Variants in RBFOX1 observed in about 807,000 individuals in gnomAD.
RBFOX1 encodes the protein RNA binding fox-1 homolog 1.
Under a neutral mutation model 57.7 loss-of-function variants are expected in RBFOX1, and 8 were observed. That is an observed-to-expected ratio of 0.14 (90% CI 0.08 to 0.25). The LOEUF (loss-of-function observed/expected upper bound fraction) is 0.25. Ranked by LOEUF, RBFOX1 falls within the 10% of genes least tolerant of loss-of-function variation. RBFOX1 has a pLI of 1.00. For synonymous variants in RBFOX1, 326 were observed against 222.4 expected (o/e 1.47, Z -4.15); for missense variants, 611 against 548.5 (o/e 1.11, Z -1.14).
Position 6,581,684 on chromosome 16 carries a change from C to G in RBFOX1, c.-63-72919C>G, listed in dbSNP as rs180710207. On this transcript the variant is annotated intron_variant, in intron 2 of 15. Coordinates refer to ENST00000550418, the MANE Select transcript of RBFOX1 (RefSeq NM_018723.4). ...TCCCCAAGCTGCTAAGGGGGCCTCC[C>G]TCATGGGTTCTGCTTAGCTCCTTAA... Among the ~76,000 whole-genome samples the G allele has an allele frequency of 1.8e-3, 270 of 152,296 alleles. 8 individuals carry two copies. The South Asian group carries it at 0.034, about 19-fold the overall frequency.
chr16:5,872,712 G>A (rs981414688), intron 4 of RBFOX1, among the ~76,000 whole-genome samples: 1 of 151,866 alleles, frequency 6.6e-6, no homozygotes, highest in Non-Finnish European at 1.5e-5. Context: ...CTCTAGCCTG[G>A]GTGACAGAGC....
intron 14 of RBFOX1, among the ~76,000 whole-genome samples, chr16:7,700,224 G>A (rs993781316): frequency 2.6e-5 from 4 of 152,096 alleles, no homozygotes; most frequent in African/African-American, 7.2e-5. Context: ...TAAAATAGAC[G>A]AGAGGCAATA....
intron 1 of RBFOX1, among the ~76,000 whole-genome samples, chr16:5,458,309 G>C (rs1276458764): frequency 3.9e-5 from 6 of 152,088 alleles, no homozygotes; most frequent in Non-Finnish European, 5.9e-5. Context: ...TGATTTATTA[G>C]AGCTCATGGG....
At chr16:6,825,193 G>A (rs7188969) in intron 3 of RBFOX1, among the ~76,000 whole-genome samples, 1 of 148,700 alleles carries the variant, frequency 6.7e-6, no homozygotes, top group Non-Finnish European at 1.5e-5. Flanking sequence ...CTTGTGGGGG[G>A]GCTGACGTGT....
rs542151728 is a variant in RBFOX1 at position 5,448,178 on chromosome 16, T to C, written c.220-19038T>C. 6.0e-4 allele frequency among the ~76,000 whole-genome samples: 91 copies of C among 152,188 alleles called. 1 individual carries two copies. Among genetic ancestry groups the C allele is most frequent in the Non-Finnish European group, 1.8e-4 (12 of 68,034 alleles). ...CCTAATTTTTGGAAATTCTGAGAGC[T>C]AAGCCTCCGCATCTTCAACTGTGAG... On this transcript the variant is annotated intron_variant, in intron 1 of 2. Transcript: ENST00000585867.
intron 4 of RBFOX1, among the ~76,000 whole-genome samples, chr16:7,371,165 C>T (rs1310221522): frequency 6.6e-6 from 1 of 152,190 alleles, no homozygotes; most frequent in East Asian, 1.9e-4. Flanking sequence ...CCCTCCCAAA[C>T]TGGCCCCATC....
chr16:7,031,731 T>C (rs947070440), intron 3 of RBFOX1, among the ~76,000 whole-genome samples: 2 of 152,218 alleles, frequency 1.3e-5, no homozygotes, highest in African/African-American at 2.4e-5. Context: ...TTTAAAATAC[T>C]ATACTCTGTG....
intron 4 of RBFOX1, among the ~76,000 whole-genome samples, chr16:7,467,212 C>T (rs1311948009): frequency 6.6e-6 from 1 of 152,134 alleles, no homozygotes; most frequent in African/African-American, 2.4e-5. Context: ...CTGAGTTAAG[C>T]ATAATGACAC....
chr16:6,582,904 T>C (rs558614508), intron 2 of RBFOX1, among the ~76,000 whole-genome samples: 1 of 151,518 alleles, frequency 6.6e-6, no homozygotes, highest in South Asian at 2.1e-4. Context: ...AGTTCAATTA[T>C]TACTATTATT....
At chr16:6,727,651 T>A (rs911459414) in intron 3 of RBFOX1, among the ~76,000 whole-genome samples, 5 of 152,108 alleles carry the variant, frequency 3.3e-5, no homozygotes, top group Non-Finnish European at 5.9e-5. Flanking sequence ...ACCCCCTCCT[T>A]CCTTAAGGTA....
At chr16:5,713,543 G>C (rs1008485704) in intron 3 of RBFOX1, among the ~76,000 whole-genome samples, 3 of 152,110 alleles carry the variant, frequency 2.0e-5, no homozygotes, top group South Asian at 4.1e-4. Flanking sequence ...TCTCTCCAAA[G>C]GATGCCTCTT....
At chr16:6,954,077 G>T (rs9929359) in intron 3 of RBFOX1, among the ~76,000 whole-genome samples, 59,432 of 151,940 alleles carry the variant, frequency 0.39, 11,939 homozygotes, top group Non-Finnish European at 0.43. Flanking sequence ...TCAACAAGGC[G>T]GTAATAAAGT....
chr16:7,447,700 G>C (rs764112222), intron 4 of RBFOX1, among the ~76,000 whole-genome samples: 1 of 151,584 alleles, frequency 6.6e-6, no homozygotes, highest in Non-Finnish European at 1.5e-5. Context: ...TGTTGGCCTA[G>C]TCTCTCACTA....
intron 1 of RBFOX1, among the ~76,000 whole-genome samples, chr16:5,380,662 T>C (rs2066108385): frequency 6.6e-6 from 1 of 152,156 alleles, no homozygotes; most frequent in Non-Finnish European, 1.5e-5. Flanking sequence ...AAACAGATAT[T>C]TGAGGTACAG....
intron 3 of RBFOX1, among the ~76,000 whole-genome samples, chr16:5,786,679 C>G (rs1409556973): frequency 3.3e-5 from 5 of 152,140 alleles, no homozygotes; most frequent in South Asian, 4.1e-4. Context: ...GGACATCATC[C>G]CTGACAGTGC....
At chr16:5,487,282 C>G (rs943882261) in intron 2 of RBFOX1, among the ~76,000 whole-genome samples, 1 of 152,206 alleles carries the variant, frequency 6.6e-6, no homozygotes, top group Non-Finnish European at 1.5e-5. Context: ...ATCTTGTTGT[C>G]TATTGTTTCT....
intron 2 of RBFOX1, among the ~76,000 whole-genome samples, chr16:6,478,523 C>T (rs140247603): frequency 0.011 from 1,603 of 146,112 alleles, 38 homozygotes; most frequent in African/African-American, 0.037. Flanking sequence ...ATTCACTTGC[C>T]TTGGCCTCCC....
At chr16:5,358,013 A>C (rs866845295) in intron 1 of RBFOX1, among the ~76,000 whole-genome samples, 1 of 152,240 alleles carries the variant, frequency 6.6e-6, no homozygotes, top group Non-Finnish European at 1.5e-5. Context: ...TGGGTGGCTT[A>C]AATGACACAA....
chr16:6,781,901 C>A (rs1041635946), intron 3 of RBFOX1, among the ~76,000 whole-genome samples: 1 of 151,998 alleles, frequency 6.6e-6, no homozygotes, highest in African/African-American at 2.4e-5. Flanking sequence ...TCATTTATTT[C>A]TGCTCTGATC....
Sources: allele counts gnomAD v4.1 joint callset (sites outside exome capture counted in the v4.1 genomes callset), GRCh38; gene constraint gnomAD v4.1.1; transcripts MANE v1.5; gene names NCBI Gene and HGNC (gene_info 2026-07-23, HGNC 2026-07-21).